Variants in RGS6 observed in about 807,000 individuals in gnomAD.
RGS6 encodes the protein regulator of G protein signaling 6, also known as regulator of G-protein signaling 6.
In RGS6, 30 loss-of-function variants were observed where a neutral mutation model predicts 78.5. The observed-to-expected ratio is 0.38, with a 90% CI of 0.29 to 0.52. The LOEUF is 0.52. RGS6 is among the 20% of genes least tolerant of loss of function. RGS6 has a pLI of 0.85. For synonymous variants in RGS6, 206 were observed against 206.0 expected, an observed-to-expected ratio of 1.00 and a Z score of 0.00; for missense variants, 495 against 609.7, an observed-to-expected ratio of 0.81 and a Z score of 1.98.
chr14:72,613,636 A>G, the RGS6 span, among the ~76,000 whole-genome samples: 1 of 152,182 alleles, frequency 6.6e-6, no homozygotes, highest in Non-Finnish European at 1.5e-5. Context: ...GGGCTCACTC[A>G]GAACCCAGAG....
At chr14:71,936,102 A>G (rs1051425543) in intron 1 of RGS6, among the ~76,000 whole-genome samples, 7 of 148,490 alleles carry the variant, frequency 4.7e-5, no homozygotes, top group African/African-American at 1.5e-4. Flanking sequence ...ATATATACAT[A>G]TGATATATGT....
chr14:72,533,457 CA>C (rs2097207560), intron 15 of RGS6, among the ~76,000 whole-genome samples: 1 of 152,192 alleles, frequency 6.6e-6, no homozygotes, highest in Admixed American at 6.5e-5. Flanking sequence ...GCCTATGGAT[CA>C]AGAAGTAATT....
intron 2 of RGS6, among the ~76,000 whole-genome samples, chr14:72,246,325 T>C (rs1265156924): frequency 6.6e-6 from 1 of 152,242 alleles, no homozygotes; most frequent in Non-Finnish European, 1.5e-5. Context: ...TAAACAATGG[T>C]AATACAACAA....
chr14:72,517,792 C>T (rs948548302), intron 14 of RGS6, among the ~76,000 whole-genome samples: 5 of 152,198 alleles, frequency 3.3e-5, no homozygotes, highest in Admixed American at 2.0e-4. Context: ...GATCTCTCCT[C>T]CATTTTGATG....
At chr14:72,061,783 A>G (rs1596884530) in intron 2 of RGS6, among the ~76,000 whole-genome samples, 1 of 152,232 alleles carries the variant, frequency 6.6e-6, no homozygotes, top group South Asian at 2.1e-4. Flanking sequence ...GATGGTGTCT[A>G]TTAATCAAAG....
At chr14:72,423,137 C>A (rs982847499) in intron 3 of RGS6, among the ~76,000 whole-genome samples, 2 of 152,182 alleles carry the variant, frequency 1.3e-5, no homozygotes, top group African/African-American at 2.4e-5. Context: ...AGAGGGCCAT[C>A]CCCTAGCAGC....
intron 2 of RGS6, among the ~76,000 whole-genome samples, chr14:72,073,626 T>G (rs540170308): frequency 6.6e-6 from 1 of 152,262 alleles, no homozygotes; most frequent in Admixed American, 6.5e-5. Flanking sequence ...GTTCACCTAA[T>G]GGGCACAGCT....
chr14:72,187,875 CAT>C lies in RGS6; in HGVS notation c.85-164219_85-164218del, dbSNP rs202225450. ...CTGTGCTTTTGTGGTTATTTGCAGA[CAT>C]GTGTGGAACAGTGAAAAACTGGAGT... On this transcript the variant is annotated intron_variant, in intron 2 of 17. Transcript: ENST00000553525. 1.0e-3 allele frequency among the ~76,000 whole-genome samples: 147 copies of C among 141,776 alleles called. 1 individual carries two copies. Among genetic ancestry groups the C allele is most frequent in the African/African-American group, 3.3e-3 (133 of 39,918 alleles). The allele number at this position is 141,776 out of a possible 152,430, so 93.0% of individuals were successfully genotyped here.
At chr14:72,149,081 G>A (rs969048603) in intron 2 of RGS6, among the ~76,000 whole-genome samples, 32 of 152,208 alleles carry the variant, frequency 2.1e-4, no homozygotes, top group African/African-American at 7.7e-4. Flanking sequence ...TCACTCAAAT[G>A]TATGGCAGTT....
chr14:72,549,817 G>C (rs896095492), intron 17 of RGS6, among the ~76,000 whole-genome samples: 18 of 152,162 alleles, frequency 1.2e-4, no homozygotes, highest in African/African-American at 4.1e-4. Context: ...AGCCAAGCTT[G>C]CACCACCTCA....
rs2080683754 is a variant in RGS6, at chr14:72,357,939, T to TC, written c.184+5747dup. On this transcript the variant is annotated intron_variant, in intron 3 of 17. Transcript: ENST00000553525. ...CCTAAGAGGAAAAAATGTTTATTTTTCCTCTTAGGTCCAGGGCCCCACTGC... is the reference window on the plus strand; with the variant it reads ...CCTAAGAGGAAAAAATGTTTATTTTTCCCTCTTAGGTCCAGGGCCCCACTGC... 2.0e-5 allele frequency among the ~76,000 whole-genome samples: 3 copies of TC among 152,190 alleles called. No homozygotes were observed. The South Asian group carries it at 6.2e-4, about 32-fold the overall frequency.
intron 6 of RGS6, among the ~76,000 whole-genome samples, chr14:72,461,924 G>A (rs948582767): frequency 6.6e-6 from 1 of 152,160 alleles, no homozygotes; most frequent in African/African-American, 2.4e-5. Flanking sequence ...TAAATGAAAT[G>A]CATGTAAGGT....
the RGS6 span, among the ~76,000 whole-genome samples, chr14:72,608,272 T>G: frequency 2.6e-5 from 4 of 152,186 alleles, no homozygotes; most frequent in African/African-American, 9.7e-5. Context: ...AATTTATTTT[T>G]GGGAGACTGA....
intron 2 of RGS6, among the ~76,000 whole-genome samples, chr14:72,253,396 C>T (rs996533364): frequency 2.0e-5 from 3 of 152,206 alleles, no homozygotes; most frequent in South Asian, 2.1e-4. Context: ...TGAAAGACAA[C>T]TTATATAGTA....
chr14:72,374,488 G>C (rs534681834), intron 3 of RGS6, among the ~76,000 whole-genome samples: 12 of 152,224 alleles, frequency 7.9e-5, no homozygotes, highest in African/African-American at 2.6e-4. Flanking sequence ...AGAAAATGTG[G>C]CACATATACA....
At chr14:72,431,409 G>A (rs1188176692) in intron 3 of RGS6, among the ~76,000 whole-genome samples, 1 of 152,180 alleles carries the variant, frequency 6.6e-6, no homozygotes, top group African/African-American at 2.4e-5. Context: ...CTGGAATGCA[G>A]TGGTGCGATC....
chr14:72,480,449 G>T (rs918431921), intron 12 of RGS6, among the ~76,000 whole-genome samples: 1 of 152,160 alleles, frequency 6.6e-6, no homozygotes, highest in Non-Finnish European at 1.5e-5. Context: ...CATATTGAAG[G>T]ATTATTCCAA....
At chr14:72,550,817 TG>T in intron 17 of RGS6, 1 of 515,244 alleles carries the variant, frequency 1.9e-6, no homozygotes, top group Non-Finnish European at 3.1e-6. Flanking sequence ...GCTTGCTTTT[TG>T]TTGTTGTTTT....
intron 2 of RGS6, among the ~76,000 whole-genome samples, chr14:72,092,674 G>T (rs546903224): frequency 6.6e-6 from 1 of 152,156 alleles, no homozygotes; most frequent in Admixed American, 6.5e-5. Context: ...GAACCATTGC[G>T]CCTGGCCTCA....
Sources: allele counts gnomAD v4.1 joint callset (sites outside exome capture counted in the v4.1 genomes callset), GRCh38; gene constraint gnomAD v4.1.1; transcripts MANE v1.5; gene names NCBI Gene and HGNC (gene_info 2026-07-23, HGNC 2026-07-21).